XKR6: variants seen among roughly 807,000 people sequenced by gnomAD.
The protein encoded by XKR6 is XK-related protein 6.
XKR6 carries 22 observed loss-of-function variants against 56.7 expected under a neutral mutation model. The observed-to-expected ratio is 0.39, with a 90% CI of 0.28 to 0.55. The LOEUF (loss-of-function observed/expected upper bound fraction) is 0.55, where lower values mean the gene tolerates loss of function less well. XKR6 is among the 20% of genes least tolerant of loss of function. XKR6 has a pLI of 0.66. For missense variants in XKR6, 852 were observed against 889.0 expected (o/e 0.96, Z 0.53); for synonymous variants, 524 against 387.8 (o/e 1.35, Z -4.13).
chr8:11,053,323 G>C (rs1006636010), intron 1 of XKR6, among the ~76,000 whole-genome samples: 1 of 152,142 alleles, frequency 6.6e-6, no homozygotes, highest in African/African-American at 2.4e-5. Flanking sequence ...CAAGGTCTCC[G>C]GCCCAGCACG....
intron 1 of XKR6, among the ~76,000 whole-genome samples, chr8:10,948,233 G>T (rs959676653): frequency 6.6e-6 from 1 of 152,192 alleles, no homozygotes; most frequent in Admixed American, 6.5e-5. Flanking sequence ...CACAGCAAAA[G>T]AACTAGAGCA....
chr8:11,123,512 T>G (rs1799580627), intron 1 of XKR6: 1 of 231,092 alleles, frequency 4.3e-6, no homozygotes, highest in Non-Finnish European at 8.6e-6. Context: ...TGCTACAATG[T>G]GAAGCCTGAC....
At chr8:11,067,466 C>G (rs1451054515) in intron 1 of XKR6, among the ~76,000 whole-genome samples, 1 of 152,154 alleles carries the variant, frequency 6.6e-6, no homozygotes, top group Admixed American at 6.5e-5. Context: ...GCTTTTTGAG[C>G]CTTAACGTTC....
At position 11,009,422 on chromosome 8, in the gene XKR6, G is replaced by T. The variant is rs556341374; in HGVS notation, c.765-84592C>A. ...GCTACTTGGGAGGCTGAGGTGGCAG[G>T]ATCACCTGAGCCTGGGGAAGTTGAG... On this transcript the variant is annotated intron_variant, in intron 1 of 2. Transcript: ENST00000416569. Among the ~76,000 whole-genome samples, 28 of 152,252 alleles carry T rather than the reference G, an allele frequency of 1.8e-4. 1 individual carries two copies. In the South Asian group the frequency reaches 5.8e-3, roughly 32 times the overall value.
chr8:10,903,248 G>C (rs558970979), intron 2 of XKR6, among the ~76,000 whole-genome samples: 1 of 152,312 alleles, frequency 6.6e-6, no homozygotes, highest in African/African-American at 2.4e-5. Context: ...CCCTGAACAA[G>C]TCCTGCAGCC....
intron 1 of XKR6, among the ~76,000 whole-genome samples, chr8:11,121,698 G>A (rs1799463299): frequency 6.6e-6 from 1 of 152,180 alleles, no homozygotes; most frequent in Admixed American, 6.5e-5. Context: ...TATACCCAAA[G>A]GATTATAAAT....
intron 1 of XKR6, among the ~76,000 whole-genome samples, chr8:10,954,748 G>C (rs777284132): frequency 9.2e-5 from 14 of 151,872 alleles, no homozygotes; most frequent in African/African-American, 1.2e-4. Context: ...AAGTCATGAA[G>C]GTTTACGCCT....
intron 1 of XKR6, among the ~76,000 whole-genome samples, chr8:10,944,508 A>C (rs753824559): frequency 2.4e-4 from 36 of 152,146 alleles, no homozygotes; most frequent in Non-Finnish European, 4.4e-4. Context: ...AGGGTGCCCC[A>C]CACCCACACA....
chr8:10,950,584 G>C (rs914924824), intron 1 of XKR6, among the ~76,000 whole-genome samples: 2 of 152,192 alleles, frequency 1.3e-5, no homozygotes, highest in African/African-American at 4.8e-5. Context: ...ATGAAGAAAG[G>C]GATGTGTCCC....
chr8:11,117,384 T>C (rs985431673), intron 1 of XKR6, among the ~76,000 whole-genome samples: 2 of 152,180 alleles, frequency 1.3e-5, no homozygotes, highest in African/African-American at 2.4e-5. Context: ...ACTTCACATA[T>C]GCAGCTTGCA....
intron 1 of XKR6, among the ~76,000 whole-genome samples, chr8:11,047,130 GA>G (rs1463142254): frequency 6.6e-6 from 1 of 152,134 alleles, no homozygotes; most frequent in African/African-American, 2.4e-5. Context: ...TTTACTAAGA[GA>G]ATAGATCTTA....
intron 1 of XKR6, among the ~76,000 whole-genome samples, chr8:10,999,638 A>T (rs1798193683): frequency 6.6e-6 from 1 of 152,208 alleles, no homozygotes. Context: ...CCAAAATAAA[A>T]GTTCTAAAAA....
intron 1 of XKR6, among the ~76,000 whole-genome samples, chr8:11,185,202 C>T (rs1401083225): frequency 6.6e-6 from 1 of 152,206 alleles, no homozygotes; most frequent in East Asian, 1.9e-4. Flanking sequence ...AGGCTCTGAC[C>T]ACCTGTGACC....
At chr8:11,118,142 G>A (rs190166705) in intron 1 of XKR6, among the ~76,000 whole-genome samples, 12 of 152,260 alleles carry the variant, frequency 7.9e-5, no homozygotes, top group Non-Finnish European at 1.3e-4. Flanking sequence ...ATATTTGTAC[G>A]AGGACATTGT....
Position 10,970,598 on chromosome 8 carries a change from C to T in XKR6, c.765-45768G>A, listed in dbSNP as rs539850314. ...CATTGAGATGTCTTCCTTTGCAAGA[C>T]ACAGTGTCTCAACTGTTCATTCCTG... On this transcript the variant is annotated intron_variant, in intron 1 of 2. Coordinates refer to ENST00000416569, the MANE Select transcript of XKR6 (RefSeq NM_173683.4). 5.1e-4 allele frequency among the ~76,000 whole-genome samples: 78 copies of T among 151,992 alleles called. 1 individual carries two copies. Among genetic ancestry groups the T allele is most frequent in the African/African-American group, 1.6e-3 (68 of 41,384 alleles).
In XKR6 at chr8:11,098,218, C is replaced by T. The variant is rs903276498; in HGVS notation, c.764+102358G>A. Among the ~76,000 whole-genome samples the T allele has an allele frequency of 2.3e-4, 35 of 152,008 alleles. 1 individual carries two copies. Among genetic ancestry groups the T allele is most frequent in the African/African-American group, 4.6e-4 (19 of 41,342 alleles). On this transcript the variant is annotated intron_variant, in intron 1 of 2. Transcript: ENST00000416569. ...GATCCCCAGGTGACTCTCTCACACACACACACGCACTCACACACGCACAAC... is the reference window on the plus strand; with the variant it reads ...GATCCCCAGGTGACTCTCTCACACATACACACGCACTCACACACGCACAAC...
chr8:11,029,603 A>G (rs572506946), intron 1 of XKR6, among the ~76,000 whole-genome samples: 2 of 152,252 alleles, frequency 1.3e-5, no homozygotes, highest in South Asian at 4.2e-4. Context: ...AGCCTCCAGA[A>G]CCAAGAGAAA....
At chr8:10,951,814 G>C (rs1189506687) in intron 1 of XKR6, among the ~76,000 whole-genome samples, 1 of 152,144 alleles carries the variant, frequency 6.6e-6, no homozygotes, top group African/African-American at 2.4e-5. Flanking sequence ...TCCTGACCTG[G>C]CCTGAGCTGG....
At chr8:11,132,787 G>A (rs747989243) in intron 1 of XKR6, among the ~76,000 whole-genome samples, 44 of 51,126 alleles carry the variant, frequency 8.6e-4, no homozygotes, top group East Asian at 4.1e-3. Flanking sequence ...ACACACACAC[G>A]CACATTTTTT....
Sources: gnomAD v4.1 joint callset for allele counts (sites outside exome capture counted in the v4.1 genomes callset) on GRCh38, gnomAD v4.1.1 for gene constraint, MANE v1.5 for transcripts, NCBI Gene and HGNC (gene_info 2026-07-23, HGNC 2026-07-21) for gene names.